The following ANTXR1 variants were observed in gnomAD, a reference collection of about 807,000 sequenced individuals.
The protein encoded by ANTXR1 is anthrax toxin receptor 1.
In ANTXR1, 19 loss-of-function variants were observed where a neutral mutation model predicts 78.1. That is an observed-to-expected ratio of 0.24 (90% CI 0.17 to 0.36). The LOEUF is 0.36. Among genes scored for constraint, ANTXR1 ranks in the 10% least tolerant of loss-of-function variants. The pLI, the probability that ANTXR1 is intolerant of heterozygous loss-of-function variation, is 1.00. For missense variants in ANTXR1, 518 were observed against 718.6 expected (o/e 0.72, Z 3.19); for synonymous variants, 273 against 260.5 (o/e 1.05, Z -0.46).
At chr2:69,016,785 T>A (rs1158758165) in intron 1 of ANTXR1, among the ~76,000 whole-genome samples, 1 of 152,252 alleles carries the variant, frequency 6.6e-6, no homozygotes, top group East Asian at 1.9e-4. Context: ...ATACATTACT[T>A]TTATATTCAA....
chr2:69,048,171 T>C (rs1007971816), intron 3 of ANTXR1, among the ~76,000 whole-genome samples: 3 of 152,078 alleles, frequency 2.0e-5, no homozygotes, highest in African/African-American at 4.8e-5. Context: ...CATTTAGAAA[T>C]AAGAAATAAG....
Position 69,090,969 on chromosome 2 carries a change from G to A in ANTXR1, c.703+50G>A, listed in dbSNP as rs146017190. On this transcript the variant is annotated intron_variant, in intron 9 of 17. Transcript: ENST00000303714. ...GCTTTCATACAATTGATGATATTTT[G>A]AGTTCAAGTCACGTATGTACTTCAT... The A allele has an allele frequency of 1.8e-4, 287 of 1,580,764 alleles. No homozygotes were observed. The African/African-American group carries it at 3.6e-3, about 20-fold the overall frequency.
Position 69,059,053 on chromosome 2 carries a change from C to G in ANTXR1, c.297-11594C>G, listed in dbSNP as rs189463900. 4.1e-4 allele frequency among the ~76,000 whole-genome samples: 62 copies of G among 152,276 alleles called. No individual in the cohort carries two copies. The East Asian group carries it at 6.4e-3, about 16-fold the overall frequency. On this transcript the variant is annotated intron_variant, in intron 3 of 17. Transcript: ENST00000303714. ...GAACTCATGAGGACTTGATTCTTAA[C>G]GATGAGCAAAGAAAGTGGTTTCTTG... is the stretch of plus-strand genomic sequence containing the variant.
chr2:69,046,101 C>G (rs1669760221), intron 3 of ANTXR1, among the ~76,000 whole-genome samples: 1 of 152,096 alleles, frequency 6.6e-6, no homozygotes, highest in Admixed American at 6.5e-5. Flanking sequence ...ATGATGCCAC[C>G]CCTTATGCAG....
intron 1 of ANTXR1, among the ~76,000 whole-genome samples, chr2:69,021,330 A>G (rs1335777973): frequency 1.3e-5 from 2 of 152,244 alleles, no homozygotes; most frequent in African/African-American, 4.8e-5. Flanking sequence ...GAATCTAAAT[A>G]TGCAAAAGAA....
chr2:69,240,220 T>C (rs1675861826), intron 17 of ANTXR1, among the ~76,000 whole-genome samples: 1 of 152,220 alleles, frequency 6.6e-6, no homozygotes, highest in Non-Finnish European at 1.5e-5. Flanking sequence ...ACTTGTTGAG[T>C]GCCAACTTGA....
intron 3 of ANTXR1, among the ~76,000 whole-genome samples, chr2:69,064,926 A>G (rs940792230): frequency 4.6e-5 from 7 of 152,000 alleles, no homozygotes; most frequent in Admixed American, 1.3e-4. Context: ...TTTCTTAGAA[A>G]AGAAGAAAAG....
chr2:69,196,865 C>T (rs952957666), intron 17 of ANTXR1, among the ~76,000 whole-genome samples: 4 of 152,202 alleles, frequency 2.6e-5, no homozygotes, highest in African/African-American at 9.7e-5. Flanking sequence ...CTCCTTCATC[C>T]TCCCCCCAGC....
At chr2:69,049,968 T>C (rs1272600874) in intron 3 of ANTXR1, among the ~76,000 whole-genome samples, 1 of 152,150 alleles carries the variant, frequency 6.6e-6, no homozygotes, top group East Asian at 1.9e-4. Context: ...TTCTATTTCC[T>C]TTGACCTGTC....
In ANTXR1 at chr2:69,056,379, A is replaced by G. The variant is rs183445975; in HGVS notation, c.296+11566A>G. Among the ~76,000 whole-genome samples the G allele has an allele frequency of 1.7e-4, 26 of 152,232 alleles. No individual in the cohort carries two copies. In the East Asian group the frequency reaches 4.8e-3, roughly 28 times the overall value. On this transcript the variant is annotated intron_variant, in intron 3 of 17. Transcript: ENST00000303714. ...TTAATGCTGATTCTGATAGCCTCCG[A>G]ATGCCTCCTCATGAACTCCAGGTTC...
chr2:69,095,903 A>G (rs11886349), intron 9 of ANTXR1, among the ~76,000 whole-genome samples: 7,489 of 152,204 alleles, frequency 0.049, 621 homozygotes, highest in African/African-American at 0.17. Context: ...ACTGTTTCAC[A>G]TTTTTAACTG....
chr2:69,036,092 T>C (rs1277416816), intron 1 of ANTXR1, among the ~76,000 whole-genome samples: 1 of 152,204 alleles, frequency 6.6e-6, no homozygotes. Flanking sequence ...GAGGAAATAT[T>C]AACACAAAAA....
chr2:69,207,625 T>C (rs577849806), intron 17 of ANTXR1, among the ~76,000 whole-genome samples: 3 of 152,328 alleles, frequency 2.0e-5, no homozygotes, highest in South Asian at 4.1e-4. Context: ...GAGTTGACCA[T>C]GGCTTTTTCC....
intron 13 of ANTXR1, among the ~76,000 whole-genome samples, chr2:69,154,548 C>G (rs1006887972): frequency 1.3e-5 from 2 of 152,138 alleles, no homozygotes; most frequent in Admixed American, 6.5e-5. Flanking sequence ...AGTTTCTCTC[C>G]CGAGATACAG....
chr2:69,152,387 C>A, intron 13 of ANTXR1, 123 bp downstream of exon 13: 3 of 963,338 alleles, frequency 3.1e-6, no homozygotes, highest in Non-Finnish European at 4.9e-6. Context: ...ATTTTTTATA[C>A]AATTTATACA....
chr2:69,135,027 G>A lies in ANTXR1; in HGVS notation c.951+10384G>A, dbSNP rs1208698731. The A allele has an allele frequency of 1.2e-5, 5 of 420,986 alleles. No individual in the cohort carries two copies. The East Asian group carries it at 3.6e-4, about 30-fold the overall frequency. The allele number at this position is 420,986 out of a possible 1,614,324, so 26.1% of individuals were successfully genotyped here. A position where few individuals can be genotyped will look rare whatever the true frequency, so the allele number is the denominator to read the frequency against. Reference sequence around the variant, plus strand: ...TGTGGTTTTACATACAATCATTAGAGACGGTAAAAGACCACAGGAATATCA... The same window carrying A: ...TGTGGTTTTACATACAATCATTAGAAACGGTAAAAGACCACAGGAATATCA... On this transcript the variant is annotated intron_variant, in intron 12 of 17. Transcript: ENST00000303714.
At chr2:69,118,616 G>T (rs1460069940) in intron 10 of ANTXR1, among the ~76,000 whole-genome samples, 1 of 152,266 alleles carries the variant, frequency 6.6e-6, no homozygotes, top group East Asian at 1.9e-4. Flanking sequence ...CCACCTAGAG[G>T]GTGGACCAGC....
chr2:69,155,788 G>A (rs1326348582), intron 13 of ANTXR1, among the ~76,000 whole-genome samples: 1 of 152,104 alleles, frequency 6.6e-6, no homozygotes, highest in Non-Finnish European at 1.5e-5. Context: ...TGCAGCCCAG[G>A]TAGGGGGTGG....
At chr2:69,039,487 A>G (rs1401893539) in intron 1 of ANTXR1, among the ~76,000 whole-genome samples, 1 of 152,164 alleles carries the variant, frequency 6.6e-6, no homozygotes, top group African/African-American at 2.4e-5. Flanking sequence ...TTAAGTGTTC[A>G]ACTATCACTA....
Sources: allele counts gnomAD v4.1 joint callset (sites outside exome capture counted in the v4.1 genomes callset), GRCh38; gene constraint gnomAD v4.1.1; transcripts MANE v1.5; gene names NCBI Gene and HGNC (gene_info 2026-07-23, HGNC 2026-07-21).